Variants in CCBE1 observed in about 807,000 individuals in gnomAD.
CCBE1 encodes the protein collagen and calcium binding EGF domains 1.
In CCBE1, 37 loss-of-function variants were observed where a neutral mutation model predicts 50.0. That is an observed-to-expected ratio of 0.74 (90% CI 0.57 to 0.97). CCBE1 has a LOEUF of 0.97. CCBE1 is among the 50% of genes least tolerant of loss of function. The pLI, the probability that CCBE1 is intolerant of heterozygous loss-of-function variation, is 0.00. For synonymous variants in CCBE1, 234 were observed against 203.7 expected, an observed-to-expected ratio of 1.15 and a Z score of -1.27; for missense variants, 538 against 523.8, an observed-to-expected ratio of 1.03 and a Z score of -0.26.
chr18:59,510,507 T>C (rs113763640), intron 2 of CCBE1, among the ~76,000 whole-genome samples: 17,073 of 152,172 alleles, frequency 0.11, 1,628 homozygotes, highest in East Asian at 0.34. Context: ...CTGCAACCTC[T>C]GCCTCCCAGG....
chr18:59,503,080 G>T (rs897638703), intron 2 of CCBE1, among the ~76,000 whole-genome samples: 3 of 152,188 alleles, frequency 2.0e-5, no homozygotes, highest in African/African-American at 7.2e-5. Context: ...GTGGGCCTGT[G>T]CCTGTTCCCT....
In CCBE1 at chr18:59,696,624, C is replaced by T; in HGVS notation, c.212+5G>A. 1 of 1,613,850 alleles carries T rather than the reference C, an allele frequency of 6.2e-7. No homozygotes were observed. Among genetic ancestry groups the T allele is most frequent in the Non-Finnish European group, 8.5e-7 (1 of 1,179,938 alleles). On this transcript the variant is annotated splice_donor_5th_base_variant and intron_variant, in intron 2 of 10. Transcript: ENST00000439986. ...GCGAACAGCCCGCAGAGCCCCCAGG[C>T]TTACCTGTAGCATGTGGTGAGCTCG... is the stretch of plus-strand genomic sequence containing the variant.
intron 2 of CCBE1, among the ~76,000 whole-genome samples, chr18:59,658,154 G>A (rs2054216219): frequency 6.7e-6 from 1 of 149,346 alleles, no homozygotes. Flanking sequence ...GCTACTGTGA[G>A]GATGAAATGA....
intron 2 of CCBE1, among the ~76,000 whole-genome samples, chr18:59,541,488 C>T (rs1568195634): frequency 6.6e-6 from 1 of 152,180 alleles, no homozygotes; most frequent in African/African-American, 2.4e-5. Flanking sequence ...CAAATAACCT[C>T]ACCATCTTTT....
At chr18:59,692,956 GCACACACACA>G (rs59496597) in intron 2 of CCBE1, among the ~76,000 whole-genome samples, 1,108 of 86,948 alleles carry the variant, frequency 0.013, 8 homozygotes, top group African/African-American at 0.037. Flanking sequence ...TCAAGCCAAA[GCACACACACA>G]CACACACACA....
chr18:59,550,256 C>T (rs146412503), intron 2 of CCBE1, among the ~76,000 whole-genome samples: 420 of 152,314 alleles, frequency 2.8e-3, no homozygotes, highest in African/African-American at 8.8e-3. Context: ...ATCCAGTCCA[C>T]TGCCTGTTTT....
intron 2 of CCBE1, among the ~76,000 whole-genome samples, chr18:59,651,797 G>C (rs1338913911): frequency 4.6e-5 from 7 of 152,224 alleles, no homozygotes; most frequent in Admixed American, 1.3e-4. Context: ...TCCTGGGAAA[G>C]GGAAGTGGAA....
At chr18:59,539,207 C>CAA (rs556723864) in intron 2 of CCBE1, among the ~76,000 whole-genome samples, 14 of 131,656 alleles carry the variant, frequency 1.1e-4, no homozygotes, top group Middle Eastern at 3.9e-3. Context: ...ACACAAAAAA[C>CAA]AAAAAAAAAC....
chr18:59,436,844 C>A (rs1910180560), intron 10 of CCBE1, among the ~76,000 whole-genome samples: 1 of 151,994 alleles, frequency 6.6e-6, no homozygotes, highest in African/African-American at 2.4e-5. Flanking sequence ...TGGTGGTGGG[C>A]ACCTGTGGAC....
At chr18:59,696,854 C>T in intron 1 of CCBE1, 145 bp from the exon 2 acceptor site, 1 of 913,060 alleles carries the variant, frequency 1.1e-6, no homozygotes, top group Admixed American at 2.0e-5. Flanking sequence ...AACGCGTACG[C>T]GGGGCAGACT....
intron 2 of CCBE1, among the ~76,000 whole-genome samples, chr18:59,546,015 G>A (rs1598998929): frequency 6.6e-6 from 1 of 152,138 alleles, no homozygotes; most frequent in East Asian, 1.9e-4. Context: ...AGGAATACCT[G>A]TATATGTAGA....
chr18:59,610,517 T>C (rs74866445), intron 2 of CCBE1, among the ~76,000 whole-genome samples: 3,723 of 151,756 alleles, frequency 0.025, 145 homozygotes, highest in African/African-American at 0.085. Flanking sequence ...CAGTACTTGA[T>C]AGAACAAAGC....
At position 59,486,237 on chromosome 18, in the gene CCBE1, T is replaced by A. The variant is rs111734521; in HGVS notation, c.213-5999A>T. On this transcript the variant is annotated intron_variant, in intron 2 of 10. Transcript: ENST00000439986. ...CAGGGCCTGGCTTGCAGTCAGAATA[T>A]GTTCTAGCTGCAGCTTTGTAAATAC... Among the ~76,000 whole-genome samples, 834 of 152,312 alleles carry A rather than the reference T, an allele frequency of 5.5e-3. 3 individuals are homozygous for A. Among genetic ancestry groups the A allele is most frequent in the African/African-American group, 0.019 (783 of 41,554 alleles).
intron 2 of CCBE1, among the ~76,000 whole-genome samples, chr18:59,561,527 A>G (rs1314139599): frequency 5.3e-5 from 8 of 152,326 alleles, no homozygotes; most frequent in African/African-American, 1.7e-4. Context: ...CCATGTAGCC[A>G]TAACATGGGA....
intron 2 of CCBE1, among the ~76,000 whole-genome samples, chr18:59,487,738 C>A (rs555537114): frequency 1.3e-5 from 2 of 152,278 alleles, no homozygotes; most frequent in South Asian, 4.2e-4. Flanking sequence ...AACTTGCTAA[C>A]ACGTACAATT....
At chr18:59,576,570 C>T (rs1418505325) in intron 2 of CCBE1, among the ~76,000 whole-genome samples, 1 of 152,182 alleles carries the variant, frequency 6.6e-6, no homozygotes, top group Non-Finnish European at 1.5e-5. Context: ...TAAAAGTTGC[C>T]TCTGTCTGCC....
At chr18:59,536,067 T>C (rs1018977971) in intron 2 of CCBE1, among the ~76,000 whole-genome samples, 4 of 152,252 alleles carry the variant, frequency 2.6e-5, no homozygotes, top group African/African-American at 9.6e-5. Flanking sequence ...TTCAGATGAA[T>C]ATAAAGTATT....
chr18:59,500,143 A>G (rs1464778612), intron 2 of CCBE1, among the ~76,000 whole-genome samples: 1 of 152,208 alleles, frequency 6.6e-6, no homozygotes, highest in Non-Finnish European at 1.5e-5. Flanking sequence ...CCGCAGGTCC[A>G]GAGATATCCC....
intron 6 of CCBE1, among the ~76,000 whole-genome samples, chr18:59,451,818 A>C (rs1034987099): frequency 1.3e-5 from 2 of 152,110 alleles, no homozygotes; most frequent in African/African-American, 2.4e-5. Flanking sequence ...AAAAATAAAA[A>C]AAGTAAGCAC....
Sources: gnomAD v4.1 joint callset for allele counts (sites outside exome capture counted in the v4.1 genomes callset) on GRCh38, gnomAD v4.1.1 for gene constraint, MANE v1.5 for transcripts, NCBI Gene and HGNC (gene_info 2026-07-23, HGNC 2026-07-21) for gene names.